ULK1: variants seen among roughly 807,000 people sequenced by gnomAD.
The protein encoded by ULK1 is serine/threonine-protein kinase ULK1.
In ULK1, 48 loss-of-function variants were observed where a neutral mutation model predicts 117.5. The ratio of observed to expected loss-of-function variants is 0.41; its 90% CI spans 0.32 to 0.52. The LOEUF (loss-of-function observed/expected upper bound fraction) is 0.52, where lower values mean the gene tolerates loss of function less well. Among genes scored for constraint, ULK1 ranks in the 20% least tolerant of loss-of-function variants. The pLI, the probability that ULK1 is intolerant of heterozygous loss-of-function variation, is 0.29. For missense variants in ULK1, 1,387 were observed against 1,473.4 expected, an observed-to-expected ratio of 0.94 and a Z score of 0.96; for synonymous variants, 790 against 637.8, an observed-to-expected ratio of 1.24 and a Z score of -3.60.
At chr12:131,915,551 A>G in intron 18 of ULK1, 130 bp downstream of exon 18, 2 of 1,165,858 alleles carry the variant, frequency 1.7e-6, no homozygotes, top group Non-Finnish European at 2.4e-6. Context: ...ACAGAAGCCA[A>G]CTGCCTCTCC....
chr12:131,908,416 G>T (rs561226028), intron 5 of ULK1, among the ~76,000 whole-genome samples: 1 of 152,096 alleles, frequency 6.6e-6, no homozygotes, highest in African/African-American at 2.4e-5. Flanking sequence ...GCTGCAGCCC[G>T]GGGCTGAGTG....
Position 131,915,495 on chromosome 12 carries a change from C to G in ULK1, c.1609+74C>G, listed in dbSNP as rs1042442132. 1.8e-5 allele frequency: 28 copies of G among 1,522,554 alleles called. No homozygotes were observed. In the African/African-American group the frequency reaches 3.8e-4, roughly 21 times the overall value. 94.3% of individuals were successfully genotyped at this position (1,522,554 alleles called of 1,614,324 possible). A position where few individuals can be genotyped will look rare whatever the true frequency, so the allele number is the denominator to read the frequency against. On this transcript the variant is annotated intron_variant, in intron 18 of 27. Transcript: ENST00000321867. ...CTCACGTTGTCATCCTGGTCTAAAG[C>G]CCTTGCTCTTTCCAAGTGAAAAGGA...
chr12:131,895,518 A>G (rs773638745), intron 1 of ULK1, 83 bp from the exon 2 acceptor site: 5 of 1,185,586 alleles, frequency 4.2e-6, no homozygotes, highest in Non-Finnish European at 6.1e-6. Context: ...GGATCATCTC[A>G]GGGCCCCACC....
chr12:131,908,870 C>CGCCGGT, intron 6 of ULK1, 28 bp from the exon 7 acceptor site: 1 of 1,608,086 alleles, frequency 6.2e-7, no homozygotes, highest in East Asian at 2.2e-5. Context: ...CCGGGGCCGG[C>CGCCGGT]GCCGGTCCTG....
At chr12:131,907,989 C>T (rs1436619578) in intron 5 of ULK1, among the ~76,000 whole-genome samples, 4 of 47,928 alleles carry the variant, frequency 8.3e-5, no homozygotes, top group Admixed American at 3.2e-4. Flanking sequence ...GCCACAGTGC[C>T]GGCGGGCGCG....
chr12:131,909,423 G>C (rs1424077785), intron 8 of ULK1, among the ~76,000 whole-genome samples, 186 bp downstream of exon 8: 1 of 152,156 alleles, frequency 6.6e-6, no homozygotes, highest in Non-Finnish European at 1.5e-5. Flanking sequence ...GGGCGGCGCC[G>C]CCGGCGGTGA....
intron 15 of ULK1, among the ~76,000 whole-genome samples, chr12:131,914,059 G>A (rs559303263): frequency 1.3e-4 from 9 of 67,318 alleles, no homozygotes; most frequent in Admixed American, 3.1e-4. Context: ...AACCAGGGAC[G>A]CCAGGGCCAG....
At chr12:131,907,106 T>C (rs886205314) in intron 4 of ULK1, among the ~76,000 whole-genome samples, 182 bp downstream of exon 4, 2 of 152,058 alleles carry the variant, frequency 1.3e-5, no homozygotes, top group Admixed American at 6.5e-5. Context: ...AACCTCCACC[T>C]CCGGGTTCAA....
Position 131,902,219 on chromosome 12 carries a change from T to TTCTG in ULK1, c.247-4670_247-4667dup, listed in dbSNP as rs983322208. On this transcript the variant is annotated intron_variant, in intron 3 of 27. Transcript: ENST00000321867. This position sits in a 1 kb window ranked among gnomAD's most constrained non-coding sequence, Gnocchi z 6.3. ...AGCCCCGCCTGGGGGTGCAGAGTGGTTCTGTCCAGCCACAGCTGTGGCTTT... is the reference window on the plus strand; with the variant it reads ...AGCCCCGCCTGGGGGTGCAGAGTGGTTCTGTCTGTCCAGCCACAGCTGTGGCTTT... Among the ~76,000 whole-genome samples, 14 of 152,134 alleles carry TTCTG rather than the reference T, an allele frequency of 9.2e-5. No individual in the cohort carries two copies. Among genetic ancestry groups the TTCTG allele is most frequent in the Non-Finnish European group, 1.6e-4 (11 of 68,002 alleles).
chr12:131,918,875 G>A (rs1341268417), intron 23 of ULK1, among the ~76,000 whole-genome samples, 194 bp downstream of exon 23: 2 of 22,234 alleles, frequency 9.0e-5, no homozygotes, highest in South Asian at 1.4e-3. Context: ...TGTGTGGGGT[G>A]TCGGGTGTGT....
rs1476184626 is a variant in ULK1, at chr12:131,902,031, C to T, written c.247-4861C>T. Among the ~76,000 whole-genome samples, 1 of 152,168 alleles carries T rather than the reference C, an allele frequency of 6.6e-6. No individual in the cohort carries two copies. The highest frequency in any genetic ancestry group is 1.9e-4 in the East Asian group (1 of 5,190). ...GCGGCTGGCTCCCGGATTGTCCAGA[C>T]CCCCAGGCCCAGCAGGCGGGAGGCT... On this transcript the variant is annotated intron_variant, in intron 3 of 27. Transcript: ENST00000321867. This position sits in a 1 kb window ranked among gnomAD's most constrained non-coding sequence, Gnocchi z 6.3.
At chr12:131,907,677 C>T (rs1889331072) in intron 5 of ULK1, 146 bp downstream of exon 5, 1 of 1,026,480 alleles carries the variant, frequency 9.7e-7, no homozygotes, top group Non-Finnish European at 1.4e-6. Context: ...CCCCCTGGGC[C>T]TCTTGAGGGG....
chr12:131,901,067 A>C (rs1889066781), intron 3 of ULK1, among the ~76,000 whole-genome samples: 1 of 151,360 alleles, frequency 6.6e-6, no homozygotes, highest in African/African-American at 2.4e-5. Context: ...CTTTGAAAAC[A>C]ATGGGATGAG....
chr12:131,922,027 C>T lies in ULK1; in HGVS notation c.*666C>T, dbSNP rs1380635792. ...AGAACTGGCTCCGGGGGGAGTGGGG[C>T]CCTGCGCTAGAGGCAGAGGCAGTTC... On this transcript the variant is annotated 3_prime_UTR_variant, in exon 28 of 28. Transcript: ENST00000321867. The T allele has an allele frequency of 2.2e-6, 1 of 454,490 alleles. No homozygotes were observed. 28.2% of individuals were successfully genotyped at this position (454,490 alleles called of 1,614,324 possible). A position where few individuals can be genotyped will look rare whatever the true frequency, so the allele number is the denominator to read the frequency against.
intron 23 of ULK1, 147 bp from the exon 24 acceptor site, chr12:131,919,065 C>T (rs1451622159): frequency 5.2e-5 from 42 of 814,190 alleles, no homozygotes; most frequent in East Asian, 3.3e-4. Context: ...TGTGGGGTGT[C>T]GGGCGTGGCA....
chr12:131,920,031 C>T lies in ULK1; in HGVS notation c.2856C>T (p.Gly952=). The T allele has an allele frequency of 2.5e-6, 4 of 1,612,846 alleles. No individual in the cohort carries two copies. The highest frequency in any genetic ancestry group is 2.5e-6 in the Non-Finnish European group (3 of 1,179,962). ...AGGCCAGCGTGGTGTCCTGCCAGGG[C>T]CTGAGCCTGCGGCTGCAGCGCTTCT... ...LYKASVVSCQ[G]LSLRLQRFFL... Residue 952 remains glycine, a synonymous_variant, in exon 26 of 28, where the codon GGC becomes GGT. Transcript: ENST00000321867.
At chr12:131,910,659 G>A (rs1593267180) in intron 11 of ULK1, 53 bp from the exon 12 acceptor site, 2 of 1,612,888 alleles carry the variant, frequency 1.2e-6, no homozygotes, top group East Asian at 4.5e-5. Flanking sequence ...TGGCTCGAGG[G>A]TGAGGAGGAG....
rs748808112 is a variant in ULK1 at position 131,918,646 on chromosome 12, G to A, written c.2476G>A (p.Glu826Lys). The A allele has an allele frequency of 2.7e-5, 44 of 1,608,676 alleles. No homozygotes were observed. Among genetic ancestry groups the A allele is most frequent in the South Asian group, 4.4e-5 (4 of 90,404 alleles). Residue 826 changes from glutamate (E) to lysine (K), a missense_variant, in exon 23 of 28, where the codon GAG becomes AAG. Physicochemically the swap from Glu to Lys is moderately conservative, Grantham distance 56. Transcript: ENST00000321867. ...TANLEGAVTF[E>K]APDLPEETLM... ...GAACCTGGAGGGGGCTGTGACCTTC[G>A]AGGCCCCCGACCTCCCTGAGGAGAC...
rs1480841298 is a variant in ULK1 at position 131,913,785 on chromosome 12, G to A, written c.1196G>A (p.Gly399Asp). 6.3e-7 allele frequency: 1 copy of A among 1,579,134 alleles called. No homozygotes were observed. Among genetic ancestry groups the A allele is most frequent in the Non-Finnish European group, 8.6e-7 (1 of 1,162,602 alleles). The change falls in exon 15 of 28, where the codon GGC (glycine) becomes GAC (aspartate). Residue 399 changes from glycine to aspartate, a missense_variant. Physicochemically the swap from Gly to Asp is moderately conservative, Grantham distance 94. Around this residue, in one of 4 missense-constraint regions of ULK1, gnomAD observed 260 missense variants for 271.6 expected, o/e 0.96. Transcript: ENST00000321867. ...GCCTCTGCGGGCTTGGAGAGCCACG[G>A]CCGGACCCCATCTCCATCCCCACCC... Reference protein sequence around the residue: ...LVASAGLESHGRTPSPSPPCS... With the variant: ...LVASAGLESHDRTPSPSPPCS...
Sources: allele counts gnomAD v4.1 joint callset (sites outside exome capture counted in the v4.1 genomes callset), GRCh38; gene constraint gnomAD v4.1.1; regional missense constraint gnomAD v4.1.1; non-coding constraint Gnocchi (gnomAD v3.1); transcripts MANE v1.5; gene names NCBI Gene and HGNC (gene_info 2026-07-23, HGNC 2026-07-21).